Variants in ASIC2 observed in about 807,000 individuals in gnomAD.
ASIC2 encodes acid sensing ion channel subunit 2.
Under a neutral mutation model 57.3 loss-of-function variants are expected in ASIC2, and 25 were observed. That is an observed-to-expected ratio of 0.44 (90% CI 0.32 to 0.61). The LOEUF (loss-of-function observed/expected upper bound fraction) is 0.61, where lower values mean the gene tolerates loss of function less well. Among genes scored for constraint, ASIC2 ranks in the 20% least tolerant of loss-of-function variants. The pLI is 0.06. For synonymous variants in ASIC2, 319 were observed against 307.5 expected (o/e 1.04, Z -0.39); for missense variants, 641 against 738.1 (o/e 0.87, Z 1.52).
intron 1 of ASIC2, among the ~76,000 whole-genome samples, chr17:33,866,821 G>A (rs1914249801): frequency 6.6e-6 from 1 of 152,204 alleles, no homozygotes. Context: ...CAGGGCCTAA[G>A]AAGAAGCCAG....
chr17:34,083,454 G>T (rs1028845211), intron 1 of ASIC2, among the ~76,000 whole-genome samples: 1 of 151,414 alleles, frequency 6.6e-6, no homozygotes, highest in African/African-American at 2.4e-5. Context: ...CCAAGTCTTT[G>T]CTATTGTGAA....
At chr17:33,877,389 C>T (rs442967) in intron 1 of ASIC2, among the ~76,000 whole-genome samples, 39,264 of 152,036 alleles carry the variant, frequency 0.26, 5,262 homozygotes, top group Middle Eastern at 0.36. Context: ...GGGTGACAGA[C>T]GGCAACTGGA....
At chr17:33,850,352 G>A (rs570012232) in intron 1 of ASIC2, among the ~76,000 whole-genome samples, 51 of 152,258 alleles carry the variant, frequency 3.3e-4, no homozygotes, top group African/African-American at 1.0e-3. Context: ...AAAGTATCTC[G>A]TCGCCACATA....
At chr17:33,354,355 C>T (rs535576607) in intron 1 of ASIC2, among the ~76,000 whole-genome samples, 63 of 152,294 alleles carry the variant, frequency 4.1e-4, no homozygotes, top group Non-Finnish European at 5.7e-4. Context: ...TCCCTCATCT[C>T]TCACCTGGAC....
chr17:33,769,098 C>T (rs149703027), intron 1 of ASIC2, among the ~76,000 whole-genome samples: 2 of 152,330 alleles, frequency 1.3e-5, no homozygotes, highest in Non-Finnish European at 2.9e-5. Flanking sequence ...GTGTGGGTAC[C>T]CAGAAAGGCT....
At chr17:34,037,825 C>T (rs1214433712) in intron 1 of ASIC2, 6 of 1,613,976 alleles carry the variant, frequency 3.7e-6, no homozygotes, top group Admixed American at 3.3e-5. Context: ...CCGGCTTTGG[C>T]GGGAACTGCA....
At chr17:33,099,264 G>A (rs1292855018) in intron 2 of ASIC2, among the ~76,000 whole-genome samples, 2 of 152,042 alleles carry the variant, frequency 1.3e-5, no homozygotes, top group Non-Finnish European at 2.9e-5. Context: ...CGATCCACCT[G>A]CCTCAGCCTC....
Position 33,207,838 on chromosome 17 carries a change from A to G in ASIC2, c.708+83570T>C, listed in dbSNP as rs146375372. On this transcript the variant is annotated intron_variant, in intron 1 of 9. Coordinates refer to ENST00000225823, the MANE Select transcript of ASIC2 (RefSeq NM_183377.2). ...TGGGAGAACTCCAAGTGCATGCTCC[A>G]CCCTGGCTCCTGGAGATCCCAGTGG... Among the ~76,000 whole-genome samples the G allele has an allele frequency of 4.7e-3, 711 of 152,232 alleles. 3 individuals are homozygous for G. The highest frequency in any genetic ancestry group is 0.012 in the Admixed American group (176 of 15,304).
intron 1 of ASIC2, among the ~76,000 whole-genome samples, chr17:33,783,545 A>G (rs1410397546): frequency 2.0e-5 from 3 of 152,240 alleles, no homozygotes; most frequent in Non-Finnish European, 4.4e-5. Context: ...TTTAAACTGC[A>G]CTGCAGAGCA....
Position 33,527,461 on chromosome 17 carries a change from A to G in ASIC2, c.556-415394T>C, listed in dbSNP as rs1285827558. ...AACACACGTGGTTCCTTTCCCTTCC[A>G]CATGAGGATTAAATGAGATACATCA... On this transcript the variant is annotated intron_variant, in intron 1 of 9. Transcript: ENST00000359872. Among the ~76,000 whole-genome samples, 4 of 152,240 alleles carry G rather than the reference A, an allele frequency of 2.6e-5. No individual in the cohort carries two copies. The East Asian group carries it at 7.7e-4, about 29-fold the overall frequency.
At chr17:33,666,742 A>C (rs1907486958) in intron 1 of ASIC2, among the ~76,000 whole-genome samples, 1 of 152,100 alleles carries the variant, frequency 6.6e-6, no homozygotes, top group African/African-American at 2.4e-5. Flanking sequence ...AAACCATCCT[A>C]TCTCTGCACT....
At chr17:33,078,890 T>C (rs2092100632) in intron 3 of ASIC2, among the ~76,000 whole-genome samples, 1 of 152,168 alleles carries the variant, frequency 6.6e-6, no homozygotes, top group African/African-American at 2.4e-5. Flanking sequence ...CAATATGAGA[T>C]GATGAGAGAG....
intron 1 of ASIC2, chr17:34,038,943 G>A: frequency 1.2e-6 from 2 of 1,612,658 alleles, no homozygotes; most frequent in Non-Finnish European, 1.7e-6. Flanking sequence ...TCTGTCCACT[G>A]CTCAGTAAAT....
At chr17:33,017,442 C>T (rs138389862) in intron 8 of ASIC2, among the ~76,000 whole-genome samples, 163 bp downstream of exon 8, 1 of 152,216 alleles carries the variant, frequency 6.6e-6, no homozygotes, top group Non-Finnish European at 1.5e-5. Context: ...CCCCTTGCCC[C>T]ACAGAGCCTG....
intron 3 of ASIC2, among the ~76,000 whole-genome samples, chr17:33,041,340 C>G (rs751610891): frequency 3.9e-5 from 6 of 152,188 alleles, no homozygotes; most frequent in Non-Finnish European, 7.3e-5. Flanking sequence ...GTTAGGAAAG[C>G]ACTTATGAAA....
chr17:33,258,959 C>G (rs1368912542), intron 1 of ASIC2, among the ~76,000 whole-genome samples: 1 of 152,048 alleles, frequency 6.6e-6, no homozygotes, highest in African/African-American at 2.4e-5. Context: ...GGAAATTAGA[C>G]AAAGAGTAAG....
intron 7 of ASIC2, among the ~76,000 whole-genome samples, chr17:33,020,530 T>G (rs2091831196): frequency 6.6e-6 from 1 of 152,168 alleles, no homozygotes; most frequent in Non-Finnish European, 1.5e-5. Flanking sequence ...GTCAAGTCCT[T>G]TAACTGTGCA....
intron 1 of ASIC2, among the ~76,000 whole-genome samples, chr17:33,479,165 A>C (rs1431650880): frequency 4.6e-5 from 7 of 151,812 alleles, no homozygotes; most frequent in African/African-American, 1.7e-4. Flanking sequence ...CGCCCAGCTA[A>C]TTTTTGTGTT....
rs1353787253 is a variant in ASIC2, at chr17:34,087,583, G to A, written c.555+68395C>T. On this transcript the variant is annotated intron_variant, in intron 1 of 9. Coordinates refer to the ASIC2 transcript ENST00000359872. ...CTCTATTTCCTGAATCTGAATGTTG[G>A]CCTGCCTTGCTAGATTGGGGAAGTT... 1.0e-4 allele frequency among the ~76,000 whole-genome samples: 15 copies of A among 148,118 alleles called. No individual in the cohort carries two copies. In the East Asian group the frequency reaches 1.2e-3, roughly 12 times the overall value.
Sources: gnomAD v4.1 joint callset for allele counts (sites outside exome capture counted in the v4.1 genomes callset) on GRCh38, gnomAD v4.1.1 for gene constraint, MANE v1.5 for transcripts, NCBI Gene and HGNC (gene_info 2026-07-23, HGNC 2026-07-21) for gene names.